NALCN: variants seen among roughly 807,000 people sequenced by gnomAD.
The protein encoded by NALCN is sodium leak channel NALCN.
A neutral mutation model predicts 225.3 loss-of-function variants in NALCN; 111 were observed. That is an observed-to-expected ratio of 0.49 (90% CI 0.42 to 0.58). NALCN has a LOEUF of 0.58. Among genes scored for constraint, NALCN ranks in the 20% least tolerant of loss-of-function variants. The pLI, the probability that NALCN is intolerant of heterozygous loss-of-function variation, is 0.00. For synonymous variants in NALCN, 764 were observed against 769.0 expected (o/e 0.99, Z 0.11); for missense variants, 1,378 against 2,202.4 (o/e 0.63, Z 7.49).
chr13:101,206,333 A>G (rs2040310159), intron 13 of NALCN, among the ~76,000 whole-genome samples: 1 of 152,092 alleles, frequency 6.6e-6, no homozygotes, highest in Non-Finnish European at 1.5e-5. Flanking sequence ...TCTTTTGCAG[A>G]TATAAATTTC....
intron 13 of NALCN, among the ~76,000 whole-genome samples, chr13:101,201,029 A>G (rs1670011063): frequency 6.6e-6 from 1 of 152,194 alleles, no homozygotes; most frequent in South Asian, 2.1e-4. Context: ...TCCCTTTGCT[A>G]TATCCCAAGC....
chr13:101,141,347 A>C (rs2037068188), intron 17 of NALCN, among the ~76,000 whole-genome samples: 1 of 152,204 alleles, frequency 6.6e-6, no homozygotes, highest in African/African-American at 2.4e-5. Flanking sequence ...CAAGCAAACC[A>C]AGTCTACCAA....
intron 1 of NALCN, among the ~76,000 whole-genome samples, chr13:101,415,922 G>C (rs1270320737): frequency 6.6e-6 from 1 of 152,106 alleles, no homozygotes; most frequent in African/African-American, 2.4e-5. Flanking sequence ...TCAGCCACCT[G>C]CCCCCCAACA....
At chr13:101,100,194 G>T (rs1219132668) in intron 27 of NALCN, among the ~76,000 whole-genome samples, 1 of 152,162 alleles carries the variant, frequency 6.6e-6, no homozygotes, top group Non-Finnish European at 1.5e-5. Context: ...ATAAAAAGTG[G>T]TGAGAACCAA....
intron 10 of NALCN, among the ~76,000 whole-genome samples, chr13:101,262,623 T>TTA (rs2042466989): frequency 1.3e-5 from 2 of 152,220 alleles, no homozygotes; most frequent in Non-Finnish European, 2.9e-5. Context: ...CTATTTTCCT[T>TTA]AGCTGTGGAT....
At chr13:101,249,895 A>G (rs968404899) in intron 11 of NALCN, among the ~76,000 whole-genome samples, 3 of 152,134 alleles carry the variant, frequency 2.0e-5, no homozygotes, top group Non-Finnish European at 2.9e-5. Flanking sequence ...ACACCCGGAT[A>G]ATAAAAGAAG....
intron 7 of NALCN, among the ~76,000 whole-genome samples, chr13:101,342,261 T>C (rs1205854826): frequency 3.9e-5 from 6 of 152,090 alleles, no homozygotes; most frequent in Admixed American, 2.6e-4. Context: ...CACTCTAAGG[T>C]TGTGATTTAA....
chr13:101,321,173 A>G (rs1280070109), intron 7 of NALCN, among the ~76,000 whole-genome samples: 1 of 152,186 alleles, frequency 6.6e-6, no homozygotes. Context: ...CCAGCATTTT[A>G]TCCTTTCATT....
intron 18 of NALCN, among the ~76,000 whole-genome samples, chr13:101,123,528 T>A (rs956248857): frequency 1.3e-5 from 2 of 152,174 alleles, no homozygotes; most frequent in South Asian, 2.1e-4. Flanking sequence ...GCGCAGGTTG[T>A]CTATTTCAAT....
chr13:101,094,703 T>C (rs1474283191), intron 28 of NALCN, among the ~76,000 whole-genome samples: 1 of 152,106 alleles, frequency 6.6e-6, no homozygotes, highest in Non-Finnish European at 1.5e-5. Flanking sequence ...CAATATGCAT[T>C]CTATTGGATT....
rs186690485 is a variant in NALCN, at chr13:101,273,785, T to C, written c.1134+10148A>G. Reference sequence around the variant, plus strand: ...CTGTAGACCCAGCAACTCGGGAGGCTGGGGCAGGAGAATGGCGTGAACCCA... The same window carrying C: ...CTGTAGACCCAGCAACTCGGGAGGCCGGGGCAGGAGAATGGCGTGAACCCA... On this transcript the variant is annotated intron_variant, in intron 10 of 43. Coordinates refer to ENST00000251127, the MANE Select transcript of NALCN (RefSeq NM_052867.4). Among the ~76,000 whole-genome samples, 1,141 of 145,412 alleles carry C rather than the reference T, an allele frequency of 7.8e-3. 17 individuals are homozygous for C. Among genetic ancestry groups the C allele is most frequent in the African/African-American group, 0.027 (1,042 of 38,606 alleles).
Position 101,395,198 on chromosome 13 carries a change from G to T in NALCN, c.276C>A (p.Ile92=), listed in dbSNP as rs750720355. The T allele has an allele frequency of 1.2e-6, 2 of 1,613,310 alleles. No individual in the cohort carries two copies. The highest frequency in any genetic ancestry group is 1.7e-6 in the Non-Finnish European group (2 of 1,179,648). Reference sequence around the variant, plus strand: ...AAGTGCTCACCTTGACAATGCCCCGGATGTGCATTTTTGCTATCATCTCTG... The same window carrying T: ...AAGTGCTCACCTTGACAATGCCCCGTATGTGCATTTTTGCTATCATCTCTG... The part of the protein sequence containing the change: ...YTAEMIAKMH[I]RGIVKGDSSY... Residue 92 remains isoleucine (I), a synonymous_variant, in exon 3 of 44, where the codon ATC becomes ATA. Transcript: ENST00000251127.
intron 11 of NALCN, among the ~76,000 whole-genome samples, chr13:101,256,140 C>T (rs929400528): frequency 1.3e-5 from 2 of 152,170 alleles, no homozygotes; most frequent in South Asian, 2.1e-4. Flanking sequence ...CCCACATTCA[C>T]GTGACACCCT....
intron 13 of NALCN, among the ~76,000 whole-genome samples, chr13:101,218,500 A>C (rs1458891994): frequency 6.6e-6 from 1 of 152,164 alleles, no homozygotes; most frequent in Non-Finnish European, 1.5e-5. Flanking sequence ...TCCCATGGCC[A>C]TATCCCCGTG....
chr13:101,327,672 A>G (rs956055276), intron 7 of NALCN, among the ~76,000 whole-genome samples: 1 of 152,178 alleles, frequency 6.6e-6, no homozygotes, highest in Admixed American at 6.5e-5. Flanking sequence ...GAGTTCAAGG[A>G]ACATCGAGTC....
At position 101,104,481 on chromosome 13, in the gene NALCN, T is replaced by C; in HGVS notation, c.2757+49A>G. ...AATGAACGGAAAAACAGCAGGTCAG[T>C]ATTTTACCTCCTAGTTGTAAGCTGA... On this transcript the variant is annotated intron_variant, in intron 24 of 43. Transcript: ENST00000251127. This position sits in a 1 kb window ranked among gnomAD's most constrained non-coding sequence, Gnocchi z 4.2. 1 of 1,613,366 alleles carries C rather than the reference T, an allele frequency of 6.2e-7. No homozygotes were observed. Among genetic ancestry groups the C allele is most frequent in the Non-Finnish European group, 8.5e-7 (1 of 1,179,468 alleles).
At position 101,398,999 on chromosome 13, in the gene NALCN, T is replaced by C. The variant is rs530489600; in HGVS notation, c.108+20A>G. The stretch of plus-strand genomic sequence containing the variant: ...TCTCACATCCACATATGCTTCTCCA[T>C]ACTCAAAGAAGAAACTTACTGGTTT... On this transcript the variant is annotated intron_variant, in intron 2 of 43. Transcript: ENST00000251127. 4 of 1,426,128 alleles carry C rather than the reference T, an allele frequency of 2.8e-6. No individual in the cohort carries two copies. The highest frequency in any genetic ancestry group is 1.7e-5 in the Admixed American group (1 of 59,614). The allele number at this position is 1,426,128 out of a possible 1,614,324, so 88.3% of individuals were successfully genotyped here. A position where few individuals can be genotyped will look rare whatever the true frequency, so the allele number is the denominator to read the frequency against.
At position 101,065,507 on chromosome 13, in the gene NALCN, GC is replaced by G; in HGVS notation, c.4500del (p.Arg1500SerfsTer35). 6.2e-7 allele frequency: 1 copy of G among 1,614,118 alleles called. No individual in the cohort carries two copies. Among genetic ancestry groups the G allele is most frequent in the East Asian group, 2.2e-5 (1 of 44,858 alleles). ...VKFLLRLLRG[R>X]LEVDLDKDKL... is the part of the protein sequence containing the mutation. ...TTGTCCTTGTCCAGGTCCACCTCCA[GC>G]CTCCCACGCAGTAGCCGCAGCAGGA... On this transcript the variant is annotated frameshift_variant, in exon 40 of 44. Coordinates refer to ENST00000251127, the MANE Select transcript of NALCN (RefSeq NM_052867.4). LOFTEE classifies it high-confidence loss of function.
At chr13:101,065,644 C>T (rs2032319359) in intron 39 of NALCN, 83 bp from the exon 40 acceptor site, 1 of 1,495,184 alleles carries the variant, frequency 6.7e-7, no homozygotes, top group South Asian at 1.3e-5. Context: ...AAAAAAGGTG[C>T]TATTTCTCAA....
Sources: allele counts gnomAD v4.1 joint callset (sites outside exome capture counted in the v4.1 genomes callset), GRCh38; gene constraint gnomAD v4.1.1; non-coding constraint Gnocchi (gnomAD v3.1); transcripts MANE v1.5; gene names NCBI Gene and HGNC (gene_info 2026-07-23, HGNC 2026-07-21).